SLC24A2: variants seen among roughly 807,000 people sequenced by gnomAD.
SLC24A2 encodes the protein sodium/potassium/calcium exchanger 2.
A neutral mutation model predicts 62.0 loss-of-function variants in SLC24A2; 36 were observed. The observed-to-expected ratio is 0.58, with a 90% CI of 0.44 to 0.77. SLC24A2 has a LOEUF of 0.77. Ranked by LOEUF, SLC24A2 falls within the 30% of genes least tolerant of loss-of-function variation. The pLI is 0.00. For missense variants in SLC24A2, 846 were observed against 817.9 expected, an observed-to-expected ratio of 1.03 and a Z score of -0.42; for synonymous variants, 358 against 294.0, an observed-to-expected ratio of 1.22 and a Z score of -2.23.
At chr9:19,622,171 G>A (rs1817923583) in intron 3 of SLC24A2, 90 bp downstream of exon 3, 3 of 1,013,142 alleles carry the variant, frequency 3.0e-6, no homozygotes, top group South Asian at 1.3e-5. Flanking sequence ...AGAGTAATGT[G>A]TTGAGCACAC....
chr9:19,746,169 G>A (rs531660935), intron 2 of SLC24A2, among the ~76,000 whole-genome samples: 1 of 151,562 alleles, frequency 6.6e-6, no homozygotes, highest in East Asian at 1.9e-4. Context: ...TCAATTACAG[G>A]ACACAACACT....
the SLC24A2 span, among the ~76,000 whole-genome samples, chr9:20,306,781 C>G: frequency 6.6e-6 from 1 of 152,222 alleles, no homozygotes; most frequent in Non-Finnish European, 1.5e-5. Context: ...ACTGCAACCT[C>G]TGCCTCCTGG....
the SLC24A2 span, among the ~76,000 whole-genome samples, chr9:20,243,775 G>T: frequency 6.6e-6 from 1 of 152,120 alleles, no homozygotes; most frequent in South Asian, 2.1e-4. Context: ...CTCACTTTTT[G>T]GGGGTGTTTG....
At chr9:19,826,547 G>A in the SLC24A2 span, among the ~76,000 whole-genome samples, 1 of 152,148 alleles carries the variant, frequency 6.6e-6, no homozygotes, top group Non-Finnish European at 1.5e-5. Flanking sequence ...TCAAGATGCT[G>A]GCACACCTGG....
At chr9:20,259,787 A>G in the SLC24A2 span, among the ~76,000 whole-genome samples, 50 of 152,186 alleles carry the variant, frequency 3.3e-4, no homozygotes, top group African/African-American at 1.2e-3. Flanking sequence ...CCATTGTAAC[A>G]GTATTAAGAG....
the SLC24A2 span, among the ~76,000 whole-genome samples, chr9:20,033,046 C>G: frequency 6.6e-6 from 1 of 152,278 alleles, no homozygotes; most frequent in Middle Eastern, 3.4e-3. Flanking sequence ...AGAGTTCATG[C>G]GTCCCCTGAA....
intron 5 of SLC24A2, among the ~76,000 whole-genome samples, chr9:19,593,058 T>C (rs529011048): frequency 1.3e-5 from 2 of 152,350 alleles, no homozygotes; most frequent in South Asian, 4.1e-4. Context: ...CTAGTACAGG[T>C]GGCAGGTAAG....
the SLC24A2 span, among the ~76,000 whole-genome samples, chr9:19,898,919 G>C: frequency 6.6e-6 from 1 of 152,080 alleles, no homozygotes; most frequent in African/African-American, 2.4e-5. Context: ...GGCCAAATCA[G>C]CCTGGTGAGC....
chr9:19,752,043 G>A (rs145736408), intron 2 of SLC24A2, among the ~76,000 whole-genome samples: 48 of 152,246 alleles, frequency 3.2e-4, no homozygotes, highest in African/African-American at 1.1e-3. Context: ...CACTTTCCAC[G>A]TAGTCAAAAG....
chr9:19,682,147 G>A (rs536655463), intron 2 of SLC24A2, among the ~76,000 whole-genome samples: 2 of 152,234 alleles, frequency 1.3e-5, no homozygotes, highest in East Asian at 3.9e-4. Flanking sequence ...TGTGCTTTAT[G>A]TGAACATTTT....
chr9:19,578,925 G>C (rs1370980598), intron 5 of SLC24A2, among the ~76,000 whole-genome samples: 1 of 152,154 alleles, frequency 6.6e-6, no homozygotes, highest in African/African-American at 2.4e-5. Flanking sequence ...CCTTAGTCTA[G>C]GCAATGAATG....
chr9:19,555,165 C>G (rs1293488930), intron 7 of SLC24A2, among the ~76,000 whole-genome samples: 2 of 151,304 alleles, frequency 1.3e-5, no homozygotes, highest in Non-Finnish European at 2.9e-5. Context: ...AAAGGGCACT[C>G]TTAAAAAAAA....
At chr9:19,713,144 C>G (rs549472050) in intron 2 of SLC24A2, among the ~76,000 whole-genome samples, 38 of 152,226 alleles carry the variant, frequency 2.5e-4, no homozygotes, top group Middle Eastern at 6.8e-3. Context: ...TTTCTTGTTT[C>G]TTTGCCTGCT....
At chr9:19,802,639 A>G in the SLC24A2 span, among the ~76,000 whole-genome samples, 1 of 152,238 alleles carries the variant, frequency 6.6e-6, no homozygotes, top group Non-Finnish European at 1.5e-5. Flanking sequence ...ATTAAAAACC[A>G]TCAAGAATGG....
chr9:19,709,045 A>G (rs954489741), intron 2 of SLC24A2, among the ~76,000 whole-genome samples: 1 of 152,220 alleles, frequency 6.6e-6, no homozygotes. Flanking sequence ...CAATGAACTC[A>G]AACAAATTTA....
In SLC24A2 at chr9:19,785,948, C is replaced by G. The variant is rs377522340; in HGVS notation, c.919G>C (p.Ala307Pro). Residue 307 changes from alanine to proline, a missense_variant, in exon 2 of 11, where the codon GCC becomes CCC. Transcript: ENST00000341998. ...CCACCACCACCAACCTTTGCTTGGG[C>G]TTCTGGTGCTGTCACCTTGACGACC... ...NKVVKVTAPE[A>P]QAKPSAARDK... 6.2e-7 allele frequency: 1 copy of G among 1,614,204 alleles called. No individual in the cohort carries two copies. Among genetic ancestry groups the G allele is most frequent in the Admixed American group, 1.7e-5 (1 of 60,022 alleles).
chr9:19,686,281 T>A (rs545483353), intron 2 of SLC24A2, among the ~76,000 whole-genome samples: 120 of 152,110 alleles, frequency 7.9e-4, no homozygotes, highest in African/African-American at 2.6e-3. Flanking sequence ...GGTTGCAGAG[T>A]GAAGGGAATG....
intron 2 of SLC24A2, among the ~76,000 whole-genome samples, chr9:19,784,750 A>G (rs1344352678): frequency 6.6e-6 from 1 of 152,148 alleles, no homozygotes; most frequent in African/African-American, 2.4e-5. Context: ...TGGTTTTACT[A>G]TAGTTTCTAA....
chr9:19,851,770 G>A, the SLC24A2 span, among the ~76,000 whole-genome samples: 1 of 152,170 alleles, frequency 6.6e-6, no homozygotes, highest in Non-Finnish European at 1.5e-5. Flanking sequence ...TTGCTATTGT[G>A]AATAGTGTTG....
Sources: allele counts gnomAD v4.1 joint callset (sites outside exome capture counted in the v4.1 genomes callset), GRCh38; gene constraint gnomAD v4.1.1; transcripts MANE v1.5; gene names NCBI Gene and HGNC (gene_info 2026-07-23, HGNC 2026-07-21).